SLA2: variants seen among roughly 807,000 people sequenced by gnomAD.
SLA2 encodes Src like adaptor 2, also known as src-like-adapter 2.
A neutral mutation model predicts 27.3 loss-of-function variants in SLA2; 22 were observed. That is an observed-to-expected ratio of 0.81 (90% CI 0.58 to 1.15). The LOEUF (loss-of-function observed/expected upper bound fraction) is 1.15. SLA2 is among the 50% of genes most tolerant of loss of function. The probability of loss-of-function intolerance (pLI) is 0.00; values close to 1 mark genes in which losing one functional copy is unlikely to be tolerated. For missense variants in SLA2, 304 were observed against 322.2 expected (o/e 0.94, Z 0.43); for synonymous variants, 131 against 137.8 (o/e 0.95, Z 0.34).
intron 1 of SLA2, among the ~76,000 whole-genome samples, chr20:36,645,244 G>A (rs1245471354): frequency 6.9e-6 from 1 of 145,440 alleles, no homozygotes; most frequent in Admixed American, 7.4e-5. Flanking sequence ...GTACATGCCT[G>A]TAGTCTCAGC....
intron 4 of SLA2, 127 bp from the exon 5 acceptor site, chr20:36,632,825 G>T: frequency 1.4e-6 from 1 of 703,252 alleles, no homozygotes; most frequent in Non-Finnish European, 2.4e-6. Flanking sequence ...AGTTCTATCT[G>T]CTCCACGAAG....
intron 5 of SLA2, among the ~76,000 whole-genome samples, chr20:36,632,012 A>AC (rs2039397511): frequency 6.6e-6 from 1 of 151,590 alleles, no homozygotes; most frequent in South Asian, 2.1e-4. Context: ...CCCTAAACTG[A>AC]CCCCCCATCT....
intron 1 of SLA2, among the ~76,000 whole-genome samples, chr20:36,642,402 C>A (rs1230794032): frequency 6.6e-6 from 1 of 150,922 alleles, no homozygotes; most frequent in Non-Finnish European, 1.5e-5. Flanking sequence ...AGTTCATCAG[C>A]GGCCTCTCCT....
chr20:36,635,277 C>G (rs1000795194), intron 2 of SLA2, among the ~76,000 whole-genome samples: 1 of 151,676 alleles, frequency 6.6e-6, no homozygotes, highest in East Asian at 1.9e-4. Context: ...CTTCTTCCCC[C>G]TTGTCCTTTT....
At position 36,615,037 on chromosome 20, in the gene SLA2, C is replaced by G. The variant is rs2039191918; in HGVS notation, c.532+188G>C. 3.0e-6 allele frequency: 3 copies of G among 985,354 alleles called. No individual in the cohort carries two copies. In the South Asian group the frequency reaches 1.4e-4, roughly 46 times the overall value. 61.0% of individuals were successfully genotyped at this position (985,354 alleles called of 1,614,324 possible). On this transcript the variant is annotated intron_variant, in intron 6 of 7. Transcript: ENST00000262866. The stretch of plus-strand genomic sequence containing the variant: ...CACAGGAGGTCTGTGGCTTTTCTGC[C>G]AGGGCACGAGGTGAAGACAGGGCTC...
chr20:36,612,397 A>T lies in SLA2; in HGVS notation c.*1469T>A. ...ATTAAATTGTCTTCCTCGATTCTCCATCGGGTGTAGAGTTTTTAAACTATC... is the reference window on the plus strand; with the variant it reads ...ATTAAATTGTCTTCCTCGATTCTCCTTCGGGTGTAGAGTTTTTAAACTATC... On this transcript the variant is annotated 3_prime_UTR_variant, in exon 8 of 8. Coordinates refer to ENST00000262866, the MANE Select transcript of SLA2 (RefSeq NM_032214.4). The T allele has an allele frequency of 1.5e-6, 1 of 658,358 alleles. No individual in the cohort carries two copies. The allele number at this position is 658,358 out of a possible 1,614,324, so 40.8% of individuals were successfully genotyped here.
At chr20:36,629,956 C>A (rs911528654) in intron 5 of SLA2, among the ~76,000 whole-genome samples, 1 of 151,844 alleles carries the variant, frequency 6.6e-6, no homozygotes, top group Non-Finnish European at 1.5e-5. Context: ...AAAAAAGTCT[C>A]CATACGGCTT....
chr20:36,644,792 G>A (rs1978286417), intron 1 of SLA2, among the ~76,000 whole-genome samples: 1 of 151,770 alleles, frequency 6.6e-6, no homozygotes, highest in African/African-American at 2.4e-5. Flanking sequence ...GCACTTTCCG[G>A]AGGACATGAG....
chr20:36,618,831 C>T (rs972451348), intron 5 of SLA2, among the ~76,000 whole-genome samples: 5 of 147,588 alleles, frequency 3.4e-5, no homozygotes, highest in African/African-American at 7.6e-5. Flanking sequence ...TGCTTGAACC[C>T]AGGCAGCGGA....
intron 5 of SLA2, among the ~76,000 whole-genome samples, chr20:36,621,755 T>C (rs2039285436): frequency 6.6e-6 from 1 of 152,014 alleles, no homozygotes; most frequent in South Asian, 2.1e-4. Context: ...CTAATGCCTG[T>C]AATCCAAGAA....
intron 5 of SLA2, among the ~76,000 whole-genome samples, chr20:36,624,759 TACTAAG>T (rs781241346): frequency 6.6e-5 from 10 of 152,212 alleles, no homozygotes; most frequent in Non-Finnish European, 1.2e-4. Flanking sequence ...ATTGAGCATT[TACTAAG>T]ACCTACCCTT....
In SLA2 at chr20:36,613,783, G is replaced by C. The variant is rs549430165; in HGVS notation, c.*83C>G. The C allele has an allele frequency of 4.7e-4, 222 of 472,178 alleles. No individual in the cohort carries two copies. Among genetic ancestry groups the C allele is most frequent in the Non-Finnish European group, 8.3e-4 (209 of 252,444 alleles). The allele number at this position is 472,178 out of a possible 1,614,324, so 29.2% of individuals were successfully genotyped here. A position where few individuals can be genotyped will look rare whatever the true frequency, so the allele number is the denominator to read the frequency against. On this transcript the variant is annotated 3_prime_UTR_variant, in exon 8 of 8. Transcript: ENST00000262866. Reference sequence around the variant, plus strand: ...CCCACCCTCCCTCCCTGAGTGCACAGCCTTGCCTCTGGGGTGCCCAGGAGG... The same window carrying C: ...CCCACCCTCCCTCCCTGAGTGCACACCCTTGCCTCTGGGGTGCCCAGGAGG...
In SLA2 at chr20:36,636,623, A is replaced by AAT. The variant is rs57962999; in HGVS notation, c.92-2036_92-2035dup. 9.8e-3 allele frequency among the ~76,000 whole-genome samples: 1,125 copies of AAT among 114,642 alleles called. 20 individuals are homozygous for AAT. The highest frequency in any genetic ancestry group is 0.026 in the South Asian group (92 of 3,580). 75.2% of individuals were successfully genotyped at this position (114,642 alleles called of 152,430 possible). A position where few individuals can be genotyped will look rare whatever the true frequency, so the allele number is the denominator to read the frequency against. On this transcript the variant is annotated intron_variant, in intron 2 of 7. Transcript: ENST00000262866. ...TCCATCTCAAAAAGAAAAAAAAAAA[A>AAT]ATATATATATATATATATATATATA... is the stretch of plus-strand genomic sequence containing the variant.
chr20:36,629,936 C>CAAAAA (rs1235657565), intron 5 of SLA2, among the ~76,000 whole-genome samples: 3 of 122,786 alleles, frequency 2.4e-5, no homozygotes, highest in Non-Finnish European at 5.3e-5. Flanking sequence ...GACTCTGTCT[C>CAAAAA]AAAAAAAAAA....
intron 4 of SLA2, 126 bp downstream of exon 4, chr20:36,633,417 G>T: frequency 1.3e-6 from 1 of 770,308 alleles, no homozygotes; most frequent in Non-Finnish European, 2.3e-6. Flanking sequence ...CCTCTTGAGG[G>T]CAGGACCTGG....
intron 5 of SLA2, among the ~76,000 whole-genome samples, chr20:36,627,256 C>T (rs980408663): frequency 3.3e-5 from 5 of 152,182 alleles, no homozygotes; most frequent in Non-Finnish European, 7.3e-5. Context: ...GTCCTAATTT[C>T]AGAAAGCTCC....
At chr20:36,621,346 A>G in intron 5 of SLA2, 1 of 616,352 alleles carries the variant, frequency 1.6e-6, no homozygotes, top group Admixed American at 1.9e-5. Context: ...TTTTGGTGGA[A>G]GAAGCTCAGG....
intron 2 of SLA2, among the ~76,000 whole-genome samples, chr20:36,635,195 C>T (rs577187462): frequency 6.6e-6 from 1 of 151,110 alleles, no homozygotes; most frequent in South Asian, 2.1e-4. Flanking sequence ...CTATGACCGC[C>T]GAGCCTTGTA....
At chr20:36,614,118 C>G (rs1356417348) in intron 7 of SLA2, 132 bp from the exon 8 acceptor site, 2 of 1,475,148 alleles carry the variant, frequency 1.4e-6, no homozygotes, top group Non-Finnish European at 1.8e-6. Flanking sequence ...TGTTCCCTAT[C>G]AGATCAGCTT....
Sources: allele counts gnomAD v4.1 joint callset (sites outside exome capture counted in the v4.1 genomes callset), GRCh38; gene constraint gnomAD v4.1.1; transcripts MANE v1.5; gene names NCBI Gene and HGNC (gene_info 2026-07-23, HGNC 2026-07-21).